The following ABCG4 variants were observed in gnomAD, a reference collection of about 807,000 sequenced individuals.
The protein encoded by ABCG4 is ATP-binding cassette sub-family G member 4.
ABCG4 carries 35 observed loss-of-function variants against 64.6 expected under a neutral mutation model. The ratio of observed to expected loss-of-function variants is 0.54; its 90% CI spans 0.41 to 0.72. ABCG4 has a LOEUF of 0.72. Among genes scored for constraint, ABCG4 ranks in the 30% least tolerant of loss-of-function variants. The pLI is 0.00. For missense variants in ABCG4, 610 were observed against 846.3 expected (o/e 0.72, Z 3.46); for synonymous variants, 326 against 348.2 (o/e 0.94, Z 0.71).
chr11:119,157,548 T>C (rs750506749), intron 9 of ABCG4, among the ~76,000 whole-genome samples: 3 of 152,252 alleles, frequency 2.0e-5, no homozygotes, highest in Non-Finnish European at 4.4e-5. Flanking sequence ...ATCATCATTA[T>C]TAAATAACAT....
chr11:119,160,430 T>A lies in ABCG4; in HGVS notation c.1596+45T>A. 6.2e-7 allele frequency: 1 copy of A among 1,604,578 alleles called. No homozygotes were observed. Among genetic ancestry groups the A allele is most frequent in the Non-Finnish European group, 8.5e-7 (1 of 1,173,250 alleles). On this transcript the variant is annotated intron_variant, in intron 13 of 14. Transcript: ENST00000619701. This position sits in a 1 kb window ranked among gnomAD's most constrained non-coding sequence, Gnocchi z 4.6. ...GGAATTCCCAAGGCGGGATGAGGTC[T>A]TGTGGGAGGAAGCAGGGCCTGGTGC...
At chr11:119,153,989 G>T in intron 2 of ABCG4, 37 bp from the exon 3 acceptor site, 2 of 1,587,796 alleles carry the variant, frequency 1.3e-6, no homozygotes, top group Non-Finnish European at 1.7e-6. Flanking sequence ...TCTGTTCACT[G>T]CAGCCTGACT....
At position 119,149,938 on chromosome 11, in the gene ABCG4, G is replaced by A. The variant is rs963721130; in HGVS notation, c.-12-16G>A. 3 of 1,596,616 alleles carry A rather than the reference G, an allele frequency of 1.9e-6. No homozygotes were observed. The highest frequency in any genetic ancestry group is 3.3e-5 in the Admixed American group (2 of 59,712). On this transcript the variant is annotated splice_polypyrimidine_tract_variant and intron_variant, in intron 1 of 14. Transcript: ENST00000619701. This position sits in a 1 kb window ranked among gnomAD's most constrained non-coding sequence, Gnocchi z 8.3. ...TCGGTGGTCTGCCCCAAACTGAGCA[G>A]GCCCTCCCCTTGCAGGTCGGCGGCG... is the stretch of plus-strand genomic sequence containing the variant.
chr11:119,152,316 A>G (rs1314217026), intron 2 of ABCG4, among the ~76,000 whole-genome samples: 2 of 152,204 alleles, frequency 1.3e-5, no homozygotes, highest in Non-Finnish European at 2.9e-5. Context: ...AACCATGGGT[A>G]CCATCCAGGC....
Position 119,150,576 on chromosome 11 carries a change from C to A in ABCG4, c.238+373C>A. Among the ~76,000 whole-genome samples the A allele has an allele frequency of 6.6e-6, 1 of 152,078 alleles. No individual in the cohort carries two copies. Among genetic ancestry groups the A allele is most frequent in the East Asian group, 1.9e-4 (1 of 5,190 alleles). ...CTGTGTCTGCAGGGTTGAGCAATAC[C>A]CTTGGACCTAATTATAAAGACGTTC... On this transcript the variant is annotated intron_variant, in intron 2 of 14. Coordinates refer to ENST00000619701, the MANE Select transcript of ABCG4 (RefSeq NM_022169.5). The surrounding 1 kb of genome is among the most constrained non-coding windows in gnomAD (Gnocchi z 4.3).
At position 119,158,217 on chromosome 11, in the gene ABCG4, C is replaced by T. The variant is rs1948293217; in HGVS notation, c.1069-17C>T. The T allele has an allele frequency of 6.4e-7, 1 of 1,557,144 alleles. No homozygotes were observed. The highest frequency in any genetic ancestry group is 8.7e-7 in the Non-Finnish European group (1 of 1,150,602). ...GGGGTAGGCTCACCTGATCCCGATCCAATTTCTTCTTCCCAGGAAGTGGAT... is the reference window on the plus strand; with the variant it reads ...GGGGTAGGCTCACCTGATCCCGATCTAATTTCTTCTTCCCAGGAAGTGGAT... On this transcript the variant is annotated splice_polypyrimidine_tract_variant and intron_variant, in intron 9 of 14. Transcript: ENST00000619701. This position sits in a 1 kb window ranked among gnomAD's most constrained non-coding sequence, Gnocchi z 4.5.
At position 119,150,451 on chromosome 11, in the gene ABCG4, A is replaced by C. The variant is rs1017429373; in HGVS notation, c.238+248A>C. ...TATTGAAGCTGTATCTTCTAAAGAG[A>C]TCCCGTGACCTCTGGTCCTTGAGTG... On this transcript the variant is annotated intron_variant, in intron 2 of 14. Transcript: ENST00000619701. This position sits in a 1 kb window ranked among gnomAD's most constrained non-coding sequence, Gnocchi z 4.3. Among the ~76,000 whole-genome samples the C allele has an allele frequency of 6.6e-6, 1 of 152,114 alleles. No individual in the cohort carries two copies. The highest frequency in any genetic ancestry group is 2.4e-5 in the African/African-American group (1 of 41,414).
chr11:119,161,554 G>A lies in ABCG4; in HGVS notation c.*448G>A, dbSNP rs373631751. The A allele has an allele frequency of 1.3e-4, 21 of 160,802 alleles. No individual in the cohort carries two copies. The East Asian group carries it at 3.5e-3, about 27-fold the overall frequency. 10.0% of individuals were successfully genotyped at this position (160,802 alleles called of 1,614,324 possible). ...GCTATAAGGTTGGAGTTCCAGGGCT[G>A]GGCCCTGGTGGAGTCCACTGGAAGT... On this transcript the variant is annotated 3_prime_UTR_variant, in exon 15 of 15. Transcript: ENST00000619701.
chr11:119,151,900 C>T (rs192553765), intron 2 of ABCG4, among the ~76,000 whole-genome samples: 153 of 152,288 alleles, frequency 1.0e-3, no homozygotes, highest in Non-Finnish European at 1.8e-3. Context: ...GCTGCCTACC[C>T]GCTCTTGGCC....
At position 119,156,215 on chromosome 11, in the gene ABCG4, G is replaced by A; in HGVS notation, c.687-114G>A. On this transcript the variant is annotated intron_variant, in intron 6 of 14. Transcript: ENST00000619701. This position sits in a 1 kb window ranked among gnomAD's most constrained non-coding sequence, Gnocchi z 5.5. ...CGTAAAGGATACAGATGCGGCCAGA[G>A]TGCCCTCTTCCTGCCAGCTTCATCC... 7.1e-7 allele frequency: 1 copy of A among 1,411,736 alleles called. No individual in the cohort carries two copies. Among genetic ancestry groups the A allele is most frequent in the Non-Finnish European group, 9.8e-7 (1 of 1,018,580 alleles). 87.5% of individuals were successfully genotyped at this position (1,411,736 alleles called of 1,614,324 possible).
chr11:119,154,202 A>T lies in ABCG4; in HGVS notation c.357-58A>T. ...ACTCAGGAAGAAGTATCCCTTGGGG[A>T]ACACAGAAGGTATTCTGAAAGGGCA... On this transcript the variant is annotated intron_variant, in intron 3 of 14. Coordinates refer to ENST00000619701, the MANE Select transcript of ABCG4 (RefSeq NM_022169.5). The surrounding 1 kb of genome is among the most constrained non-coding windows in gnomAD (Gnocchi z 7.0). 1.2e-6 allele frequency: 2 copies of T among 1,613,140 alleles called. No homozygotes were observed. Among genetic ancestry groups the T allele is most frequent in the Non-Finnish European group, 8.5e-7 (1 of 1,179,140 alleles).
rs1382519906 is a variant in ABCG4 at position 119,150,691 on chromosome 11, C to T, written c.238+488C>T. Among the ~76,000 whole-genome samples, 3 of 152,164 alleles carry T rather than the reference C, an allele frequency of 2.0e-5. No homozygotes were observed. Among genetic ancestry groups the T allele is most frequent in the Non-Finnish European group, 4.4e-5 (3 of 68,028 alleles). Reference sequence around the variant, plus strand: ...CAGGATAGATGTCATCTCCATGTTACTAATAAGGAAACTGAGGCCCAGGGA... The same window carrying T: ...CAGGATAGATGTCATCTCCATGTTATTAATAAGGAAACTGAGGCCCAGGGA... On this transcript the variant is annotated intron_variant, in intron 2 of 14. Coordinates refer to ENST00000619701, the MANE Select transcript of ABCG4 (RefSeq NM_022169.5). This position sits in a 1 kb window ranked among gnomAD's most constrained non-coding sequence, Gnocchi z 4.3.
chr11:119,158,103 C>G lies in ABCG4; in HGVS notation c.1069-131C>G, dbSNP rs626776. 0.69 allele frequency: 498,925 copies of G among 724,556 alleles called. 175,696 individuals are homozygous for G. The highest frequency in any genetic ancestry group is 0.89 in the African/African-American group (50,646 of 56,872). 44.9% of individuals were successfully genotyped at this position (724,556 alleles called of 1,614,324 possible). On this transcript the variant is annotated intron_variant, in intron 9 of 14. Coordinates refer to ENST00000619701, the MANE Select transcript of ABCG4 (RefSeq NM_022169.5). The surrounding 1 kb of genome is among the most constrained non-coding windows in gnomAD (Gnocchi z 4.5). ...CTTTCAGGTACACAACTTAATGGTA[C>G]AAGATTCTCTGTAGACCTGGAGGAC...
At position 119,160,086 on chromosome 11, in the gene ABCG4, G is replaced by A; in HGVS notation, c.1438-141G>A. 3 of 864,074 alleles carry A rather than the reference G, an allele frequency of 3.5e-6. No individual in the cohort carries two copies. The highest frequency in any genetic ancestry group is 1.8e-6 in the Non-Finnish European group (1 of 568,986). 53.5% of individuals were successfully genotyped at this position (864,074 alleles called of 1,614,324 possible). On this transcript the variant is annotated intron_variant, in intron 12 of 14. Transcript: ENST00000619701. The surrounding 1 kb of genome is among the most constrained non-coding windows in gnomAD (Gnocchi z 4.6). ...GAAGGGGACGTGTGTCAATCTGGGG[G>A]ACAGCTTGAACAAGAATGTGGAGGC...
Position 119,158,140 on chromosome 11 carries a change from G to A in ABCG4, c.1069-94G>A. 9.8e-7 allele frequency: 1 copy of A among 1,017,630 alleles called. No homozygotes were observed. Among genetic ancestry groups the A allele is most frequent in the South Asian group, 1.5e-5 (1 of 64,818 alleles). 63.0% of individuals were successfully genotyped at this position (1,017,630 alleles called of 1,614,324 possible). A position where few individuals can be genotyped will look rare whatever the true frequency, so the allele number is the denominator to read the frequency against. On this transcript the variant is annotated intron_variant, in intron 9 of 14. Coordinates refer to ENST00000619701, the MANE Select transcript of ABCG4 (RefSeq NM_022169.5). This position sits in a 1 kb window ranked among gnomAD's most constrained non-coding sequence, Gnocchi z 4.5. ...TAGACCTGGAGGACCCCTACCCTGG[G>A]GAAGAGCTCTGAGGTTTTTCATTCA... is the stretch of plus-strand genomic sequence containing the variant.
Position 119,156,995 on chromosome 11 carries a change from C to A in ABCG4, c.1049C>A (p.Pro350Gln). Residue 350 changes from proline to glutamine, a missense_variant, in exon 9 of 15, where the codon CCA becomes CAA. Coordinates refer to ENST00000619701, the MANE Select transcript of ABCG4 (RefSeq NM_022169.5). The surrounding 1 kb of genome is among the most constrained non-coding windows in gnomAD (Gnocchi z 5.5). Reference sequence around the variant, plus strand: ...CCTGAGAAGAACGAGGTCCCTGCCCCATGCCCTCCTTGTCCTCCGGTGAGT... The same window carrying A: ...CCTGAGAAGAACGAGGTCCCTGCCCAATGCCCTCCTTGTCCTCCGGTGAGT... The part of the protein sequence containing the change: ...SSPEKNEVPA[P>Q]CPPCPPEVDP... 1 of 1,610,538 alleles carries A rather than the reference C, an allele frequency of 6.2e-7. No homozygotes were observed.
rs1356380440 is a variant in ABCG4, at chr11:119,154,790, A to G, written c.561A>G (p.Ala187=). Residue 187 remains alanine (A), a synonymous_variant, in exon 6 of 15, where the codon GCA becomes GCG. Coordinates refer to ENST00000619701, the MANE Select transcript of ABCG4 (RefSeq NM_022169.5). This position sits in a 1 kb window ranked among gnomAD's most constrained non-coding sequence, Gnocchi z 7.0. Reference sequence around the variant, plus strand: ...GCCAGGTGACAGAGATCCTGACGGCACTGGGCCTGATGTCGTGCTCCCACA... The same window carrying G: ...GCCAGGTGACAGAGATCCTGACGGCGCTGGGCCTGATGTCGTGCTCCCACA... ...KKELVTEILT[A]LGLMSCSHTR... 6.2e-7 allele frequency: 1 copy of G among 1,612,380 alleles called. No individual in the cohort carries two copies. The highest frequency in any genetic ancestry group is 1.1e-5 in the South Asian group (1 of 91,034).
chr11:119,152,574 T>G (rs1948206893), intron 2 of ABCG4, among the ~76,000 whole-genome samples: 1 of 152,204 alleles, frequency 6.6e-6, no homozygotes, highest in Non-Finnish European at 1.5e-5. Context: ...CGTCCTCACC[T>G]ATGAGGCAGG....
intron 2 of ABCG4, chr11:119,153,183 C>G (rs1239894599): frequency 1.3e-5 from 2 of 152,450 alleles, no homozygotes; most frequent in Non-Finnish European, 2.9e-5. Flanking sequence ...GAGATAGGTA[C>G]TATCATCCTC....
Sources: gnomAD v4.1 joint callset for allele counts (sites outside exome capture counted in the v4.1 genomes callset) on GRCh38, gnomAD v4.1.1 for gene constraint, Gnocchi (gnomAD v3.1) non-coding constraint, MANE v1.5 for transcripts, NCBI Gene and HGNC (gene_info 2026-07-23, HGNC 2026-07-21) for gene names.